Variants in MAG observed in about 807,000 individuals in gnomAD.
MAG encodes the protein myelin-associated glycoprotein.
A neutral mutation model predicts 60.7 loss-of-function variants in MAG; 30 were observed. The observed-to-expected ratio is 0.49, with a 90% CI of 0.37 to 0.67. The LOEUF (loss-of-function observed/expected upper bound fraction) is 0.67, where lower values mean the gene tolerates loss of function less well. Ranked by LOEUF, MAG falls within the 30% of genes least tolerant of loss-of-function variation. MAG has a pLI of 0.00. For missense variants in MAG, 795 were observed against 851.7 expected (o/e 0.93, Z 0.83); for synonymous variants, 384 against 376.8 (o/e 1.02, Z -0.22).
At chr19:35,306,411 TG>T (rs1266918924) in intron 7 of MAG, among the ~76,000 whole-genome samples, 1 of 152,060 alleles carries the variant, frequency 6.6e-6, no homozygotes, top group Non-Finnish European at 1.5e-5. Flanking sequence ...CATGAGTACT[TG>T]GGTGGGATGT....
chr19:35,312,372 G>A, intron 10 of MAG: 1 of 1,564,142 alleles, frequency 6.4e-7, no homozygotes, highest in Non-Finnish European at 8.8e-7. Flanking sequence ...CCCTCCTTGG[G>A]CCCTGGGGTT....
chr19:35,300,495 C>T, intron 6 of MAG, 91 bp downstream of exon 6: 1 of 1,448,946 alleles, frequency 6.9e-7, no homozygotes. Flanking sequence ...TGGGCTGGGT[C>T]CCGAGGGGAC....
rs1249133155 is a variant in MAG at position 35,313,320 on chromosome 19, C to A, written c.1747C>A (p.Leu583Met). Reference protein sequence around the residue: ...SERRLGSERRLLGLRGEPPEL... With the variant: ...SERRLGSERRMLGLRGEPPEL... ...GAGGCGCCTGGGATCTGAGAGGAGGCTGCTGGGCCTTCGGGGTGAGCCCCC... is the reference window on the plus strand; with the variant it reads ...GAGGCGCCTGGGATCTGAGAGGAGGATGCTGGGCCTTCGGGGTGAGCCCCC... The change falls in exon 11 of 11, where the codon CTG becomes ATG. Residue 583 changes from leucine to methionine, a missense_variant. Transcript: ENST00000392213. 9.3e-6 allele frequency: 15 copies of A among 1,613,934 alleles called. No individual in the cohort carries two copies. The highest frequency in any genetic ancestry group is 1.3e-5 in the Non-Finnish European group (15 of 1,179,966).
At chr19:35,306,704 C>T (rs1487468264) in intron 7 of MAG, among the ~76,000 whole-genome samples, 1 of 152,240 alleles carries the variant, frequency 6.6e-6, no homozygotes, top group Admixed American at 6.5e-5. Flanking sequence ...TCCCAAAGTG[C>T]TGGAATGACA....
rs759995393 is a variant in MAG, at chr19:35,299,548, G to A, written c.416-6G>A. 8 of 1,575,542 alleles carry A rather than the reference G, an allele frequency of 5.1e-6. No homozygotes were observed. The Admixed American group carries it at 6.9e-5, about 14-fold the overall frequency. ...TCTCAGCCCTCCCTTTCCCCGCCTC[G>A]TATAGACACCCCCAACATCGTGGTG... On this transcript the variant is annotated splice_polypyrimidine_tract_variant and splice_region_variant and intron_variant, in intron 4 of 10. Coordinates refer to ENST00000392213, the MANE Select transcript of MAG (RefSeq NM_002361.4).
At chr19:35,298,634 C>T (rs1186991029) in intron 4 of MAG, among the ~76,000 whole-genome samples, 3 of 151,002 alleles carry the variant, frequency 2.0e-5, no homozygotes, top group Admixed American at 2.0e-4. Context: ...ACATACCACA[C>T]ACTACACACA....
intron 9 of MAG, among the ~76,000 whole-genome samples, chr19:35,310,848 G>A (rs2066521810): frequency 6.6e-6 from 1 of 152,224 alleles, no homozygotes; most frequent in African/African-American, 2.4e-5. Flanking sequence ...CAGGGCCTGG[G>A]CTGAGCCCTT....
chr19:35,300,748 G>A (rs2066442993), intron 6 of MAG, among the ~76,000 whole-genome samples: 1 of 152,086 alleles, frequency 6.6e-6, no homozygotes, highest in African/African-American at 2.4e-5. Flanking sequence ...AATTTTTTTG[G>A]AGACAAGGCC....
intron 7 of MAG, among the ~76,000 whole-genome samples, chr19:35,307,619 A>G (rs775090410): frequency 2.0e-5 from 3 of 152,208 alleles, no homozygotes; most frequent in Admixed American, 6.5e-5. Flanking sequence ...CCTGGGAGGC[A>G]GAGGTTGCAG....
At chr19:35,294,913 C>T (rs1329708406) in intron 2 of MAG, among the ~76,000 whole-genome samples, 1 of 152,128 alleles carries the variant, frequency 6.6e-6, no homozygotes, top group Non-Finnish European at 1.5e-5. Context: ...CACTGCATTC[C>T]AGGCTGGGTG....
intron 7 of MAG, among the ~76,000 whole-genome samples, chr19:35,303,581 A>C (rs2066464011): frequency 6.6e-6 from 1 of 152,158 alleles, no homozygotes; most frequent in African/African-American, 2.4e-5. Context: ...AGCAGAATAC[A>C]TTGATGGGGT....
At chr19:35,311,273 G>A (rs960997164) in intron 9 of MAG, among the ~76,000 whole-genome samples, 1 of 152,108 alleles carries the variant, frequency 6.6e-6, no homozygotes, top group Non-Finnish European at 1.5e-5. Context: ...TTAGAGGCCA[G>A]CCTGGGCAAC....
At chr19:35,309,736 A>T in intron 7 of MAG, 138 bp from the exon 8 acceptor site, 1 of 878,702 alleles carries the variant, frequency 1.1e-6, no homozygotes, top group Non-Finnish European at 1.8e-6. Context: ...AGAAAAAAGG[A>T]GGGGAAATTG....
At position 35,295,349 on chromosome 19, in the gene MAG, T is replaced by C. The variant is rs746076518; in HGVS notation, c.-23-37T>C. The stretch of plus-strand genomic sequence containing the variant: ...GCCCAGATGGAACACCCCCTTTCAC[T>C]TCCCCCAGCCTTTAACCCTCTCCTC... On this transcript the variant is annotated intron_variant, in intron 2 of 10. Coordinates refer to ENST00000392213, the MANE Select transcript of MAG (RefSeq NM_002361.4). This position sits in a 1 kb window ranked among gnomAD's most constrained non-coding sequence, Gnocchi z 5.8. The C allele has an allele frequency of 1.3e-6, 2 of 1,592,290 alleles. No homozygotes were observed. The highest frequency in any genetic ancestry group is 1.7e-6 in the Non-Finnish European group (2 of 1,164,366).
chr19:35,309,722 A>C (rs568237821), intron 7 of MAG, 152 bp from the exon 8 acceptor site: 1 of 827,526 alleles, frequency 1.2e-6, no homozygotes, highest in African/African-American at 1.7e-5. Flanking sequence ...CTCAGTCAGG[A>C]CAGAGAAAAA....
In MAG at chr19:35,295,671, C is replaced by T. The variant is rs143777259; in HGVS notation, c.105C>T (p.Gly35=). ...CCTCGTCCATCTCGGCCTTCGAAGG[C>T]ACGTGCGTCTCCATCCCCTGCCGCT... ...WMPSSISAFE[G]TCVSIPCRFD... The change falls in exon 4 of 11, where the codon GGC becomes GGT. Residue 35 remains glycine (G), a synonymous_variant. Transcript: ENST00000392213. The surrounding 1 kb of genome is among the most constrained non-coding windows in gnomAD (Gnocchi z 5.8). 1.0e-4 allele frequency: 164 copies of T among 1,612,268 alleles called. No homozygotes were observed. Among genetic ancestry groups the T allele is most frequent in the Non-Finnish European group, 1.4e-4 (160 of 1,179,898 alleles).
In MAG at chr19:35,311,390, G is replaced by A. The variant is rs146824414; in HGVS notation, c.1617-528G>A. 7.8e-3 allele frequency among the ~76,000 whole-genome samples: 1,193 copies of A among 152,192 alleles called. 24 individuals are homozygous for A. Among genetic ancestry groups the A allele is most frequent in the African/African-American group, 0.027 (1,135 of 41,512 alleles). On this transcript the variant is annotated intron_variant, in intron 9 of 10. Transcript: ENST00000392213. Reference sequence around the variant, plus strand: ...GAGGAGGGAAGATCGCTTGAGCCTGGGAGGTTGAGGCTGTAGTGAGCTATG... The same window carrying A: ...GAGGAGGGAAGATCGCTTGAGCCTGAGAGGTTGAGGCTGTAGTGAGCTATG...
rs186146644 is a variant in MAG at position 35,301,731 on chromosome 19, A to G, written c.971-717A>G. On this transcript the variant is annotated intron_variant, in intron 6 of 10. Transcript: ENST00000392213. The stretch of plus-strand genomic sequence containing the variant: ...AGGCGTGAGCCACCACACTCAGCCT[A>G]ATTTTTGTATTTTTAGTAGAGACAG... Among the ~76,000 whole-genome samples the G allele has an allele frequency of 1.6e-3, 244 of 150,010 alleles. 1 individual carries two copies. Among genetic ancestry groups the G allele is most frequent in the Non-Finnish European group, 2.3e-3 (154 of 67,500 alleles).
At chr19:35,300,440 T>G in intron 6 of MAG, 36 bp downstream of exon 6, 1 of 1,522,514 alleles carries the variant, frequency 6.6e-7, no homozygotes, top group Non-Finnish European at 8.8e-7. Flanking sequence ...CACGCCCACC[T>G]GCAGCCGAGA....
Sources: gnomAD v4.1 joint callset for allele counts (sites outside exome capture counted in the v4.1 genomes callset) on GRCh38, gnomAD v4.1.1 for gene constraint, Gnocchi (gnomAD v3.1) non-coding constraint, MANE v1.5 for transcripts, NCBI Gene and HGNC (gene_info 2026-07-23, HGNC 2026-07-21) for gene names.